MEGF10: variants seen among roughly 807,000 people sequenced by gnomAD.
MEGF10 encodes multiple epidermal growth factor-like domains protein 10.
A neutral mutation model predicts 147.5 loss-of-function variants in MEGF10; 86 were observed. The observed-to-expected ratio is 0.58, with a 90% confidence interval of 0.49 to 0.70. The LOEUF (loss-of-function observed/expected upper bound fraction) is 0.70, where lower values mean the gene tolerates loss of function less well. MEGF10 is among the 30% of genes least tolerant of loss of function. The pLI is 0.00. For synonymous variants in MEGF10, 478 were observed against 525.5 expected (o/e 0.91, Z 1.24); for missense variants, 1,329 against 1,487.3 (o/e 0.89, Z 1.75).
At position 127,391,102 on chromosome 5, in the gene MEGF10, G is replaced by GCACACACACA. The variant is rs70997334; in HGVS notation, c.413-5387_413-5378dup. Among the ~76,000 whole-genome samples the GCACACACACA allele has an allele frequency of 4.1e-3, 222 of 53,898 alleles. 1 individual carries two copies. The highest frequency in any genetic ancestry group is 0.015 in the Middle Eastern group (1 of 66). 35.4% of individuals were successfully genotyped at this position (53,898 alleles called of 152,430 possible). A position where few individuals can be genotyped will look rare whatever the true frequency, so the allele number is the denominator to read the frequency against. ...CATACACACATGCGCGCGCGCGCGCGCACACACACACACACACACACACAC... is the reference window on the plus strand; with the variant it reads ...CATACACACATGCGCGCGCGCGCGCGCACACACACACACACACACACACACACACACACAC... On this transcript the variant is annotated intron_variant, in intron 5 of 24. Coordinates refer to ENST00000503335, the MANE Select transcript of MEGF10 (RefSeq NM_001256545.2).
At chr5:127,288,408 G>A (rs927808375), upstream of MEGF10, among the ~76,000 whole-genome samples, 46 of 152,160 alleles carry the variant, frequency 3.0e-4, no homozygotes, top group Admixed American at 2.7e-3. Flanking sequence ...CCAAAGACTT[G>A]ATTAAAAATT....
In MEGF10 at chr5:127,435,246, A is replaced by G. The variant is rs896087752; in HGVS notation, c.1976-115A>G. 1.8e-5 allele frequency: 22 copies of G among 1,235,886 alleles called. No homozygotes were observed. In the African/African-American group the frequency reaches 2.4e-4, roughly 14 times the overall value. The allele number at this position is 1,235,886 out of a possible 1,614,324, so 76.6% of individuals were successfully genotyped here. A position where few individuals can be genotyped will look rare whatever the true frequency, so the allele number is the denominator to read the frequency against. ...ATGAAGGATGCTGTTGAGCAGAGAT[A>G]GCTACCAATGAGCAGCTGGGCCTGT... is the stretch of plus-strand genomic sequence containing the variant. On this transcript the variant is annotated intron_variant, in intron 15 of 24. Transcript: ENST00000503335.
rs1039455393 is a variant in MEGF10, at chr5:127,459,132, T to A, written c.*1814T>A. ...CAGTGAGTCAGTTAACAAATACGTA[T>A]GTGCAACCCTTCTGCTAGTAGTGCA... On this transcript the variant is annotated 3_prime_UTR_variant, in exon 25 of 25. Coordinates refer to ENST00000503335, the MANE Select transcript of MEGF10 (RefSeq NM_001256545.2). 1.3e-5 allele frequency: 2 copies of A among 152,236 alleles called. No homozygotes were observed. The highest frequency in any genetic ancestry group is 4.8e-5 in the African/African-American group (2 of 41,464). 9.4% of individuals were successfully genotyped at this position (152,236 alleles called of 1,614,324 possible).
rs1419205345 is a variant in MEGF10, at chr5:127,326,671, A to C, written c.-18-4620A>C. On this transcript the variant is annotated intron_variant, in intron 1 of 24. Transcript: ENST00000503335. ...GAGTAGTTTGAGGAACAGTGAGTAC[A>C]TCCTTTATAGATAACACGATGGAGT... 2.6e-5 allele frequency among the ~76,000 whole-genome samples: 4 copies of C among 152,192 alleles called. 1 individual carries two copies. Among genetic ancestry groups the C allele is most frequent in the Admixed American group, 2.6e-4 (4 of 15,266 alleles).
At chr5:127,247,312 A>G in the MEGF10 span, among the ~76,000 whole-genome samples, 2 of 70,436 alleles carry the variant, frequency 2.8e-5, no homozygotes, top group African/African-American at 5.1e-5. Flanking sequence ...GAGCGAGAGA[A>G]AGAGAGAGAA....
chr5:127,429,070 A>G (rs1765307259), intron 13 of MEGF10, among the ~76,000 whole-genome samples: 1 of 152,194 alleles, frequency 6.6e-6, no homozygotes, highest in South Asian at 2.1e-4. Flanking sequence ...TTTATCAGAA[A>G]AGAAATGCTC....
chr5:127,378,435 C>G (rs1001226801), intron 5 of MEGF10, among the ~76,000 whole-genome samples: 1 of 152,122 alleles, frequency 6.6e-6, no homozygotes, highest in Non-Finnish European at 1.5e-5. Flanking sequence ...TCCTGTCTCA[C>G]AGGCCACACC....
chr5:127,449,606 A>T (rs1195154721), intron 22 of MEGF10, among the ~76,000 whole-genome samples: 1 of 152,134 alleles, frequency 6.6e-6, no homozygotes, highest in Admixed American at 6.5e-5. Context: ...CTTGCACAGG[A>T]CCTCATCGCC....
At position 127,339,165 on chromosome 5, in the gene MEGF10, A is replaced by G. The variant is rs771758107; in HGVS notation, c.162A>G (p.Gln54=). Reference sequence around the variant, plus strand: ...AGTCATACCCACATCCCTTTGATCAAATTTACTACACGAGCTGCACTGACA... The same window carrying G: ...AGTCATACCCACATCCCTTTGATCAGATTTACTACACGAGCTGCACTGACA... The part of the protein sequence containing the change: ...VQESYPHPFD[Q]IYYTSCTDIL... Residue 54 remains glutamine (Q), a synonymous_variant, in exon 3 of 25, where the codon CAA becomes CAG. Transcript: ENST00000503335. 1 of 1,612,632 alleles carries G rather than the reference A, an allele frequency of 6.2e-7. No homozygotes were observed. The highest frequency in any genetic ancestry group is 8.5e-7 in the Non-Finnish European group (1 of 1,178,930).
chr5:127,286,948 C>A (rs1759047926), upstream of MEGF10, among the ~76,000 whole-genome samples: 1 of 151,818 alleles, frequency 6.6e-6, no homozygotes, highest in Non-Finnish European at 1.5e-5. Flanking sequence ...ATATATAATA[C>A]ATTACATGGA....
chr5:127,443,150 T>C, intron 19 of MEGF10, 24 bp downstream of exon 19: 1 of 1,606,238 alleles, frequency 6.2e-7, no homozygotes, highest in Non-Finnish European at 8.5e-7. Context: ...CTAATGTTTG[T>C]AGCACTGCAG....
intron 4 of MEGF10, among the ~76,000 whole-genome samples, chr5:127,342,957 T>C (rs1387669665): frequency 6.6e-6 from 1 of 152,080 alleles, no homozygotes; most frequent in African/African-American, 2.4e-5. Context: ...ATGTCTTGAT[T>C]TCATTGCTTC....
chr5:127,337,217 TTTGA>T (rs770013449), intron 2 of MEGF10, among the ~76,000 whole-genome samples: 4 of 152,086 alleles, frequency 2.6e-5, no homozygotes, highest in Non-Finnish European at 4.4e-5. Context: ...GTTACAGTGA[TTTGA>T]TTGATTACAG....
At chr5:127,410,260 A>G in intron 8 of MEGF10, 129 bp from the exon 9 acceptor site, 2 of 778,202 alleles carry the variant, frequency 2.6e-6, no homozygotes, top group Non-Finnish European at 4.3e-6. Context: ...GTAATGGGAC[A>G]ATCACTAAAT....
intron 5 of MEGF10, among the ~76,000 whole-genome samples, chr5:127,373,768 A>G (rs1210334336): frequency 6.6e-6 from 1 of 152,152 alleles, no homozygotes; most frequent in African/African-American, 2.4e-5. Context: ...ATCTCTAGAG[A>G]ATATAGGAAT....
At chr5:127,379,112 A>G (rs1763154060) in intron 5 of MEGF10, among the ~76,000 whole-genome samples, 1 of 149,030 alleles carries the variant, frequency 6.7e-6, no homozygotes, top group African/African-American at 2.5e-5. Flanking sequence ...ATTTTTCAGC[A>G]AATCTTGTTG....
intron 5 of MEGF10, among the ~76,000 whole-genome samples, chr5:127,379,616 T>C (rs1475083657): frequency 6.7e-6 from 1 of 148,942 alleles, no homozygotes; most frequent in Non-Finnish European, 1.5e-5. Context: ...TTTTTTTTTT[T>C]TGAGACGGAG....
rs1442793508 is a variant in MEGF10 at position 127,420,069 on chromosome 5, C to G, written c.1452C>G (p.Ile484Met). Reference sequence around the variant, plus strand: ...GCTGGCACGGGGTGGACTGCTCCATCAGATGTCCCAGTGGCACATGGGGCT... The same window carrying G: ...GCTGGCACGGGGTGGACTGCTCCATGAGATGTCCCAGTGGCACATGGGGCT... The part of the protein sequence containing the change: ...KAGWHGVDCS[I>M]RCPSGTWGFG... Residue 484 changes from isoleucine to methionine, a missense_variant, in exon 12 of 25, where the codon ATC (isoleucine) becomes ATG (methionine). By Grantham distance (10) the Ile-to-Met change is conservative. This residue lies in a region of MEGF10 where 980 missense variants were observed against 1,085.9 expected (regional missense o/e 0.90). Coordinates refer to ENST00000503335, the MANE Select transcript of MEGF10 (RefSeq NM_001256545.2). 1 of 1,614,180 alleles carries G rather than the reference C, an allele frequency of 6.2e-7. No individual in the cohort carries two copies. Among genetic ancestry groups the G allele is most frequent in the South Asian group, 1.1e-5 (1 of 91,080 alleles).
intron 6 of MEGF10, among the ~76,000 whole-genome samples, chr5:127,397,597 C>T (rs1763965785): frequency 6.6e-6 from 1 of 152,222 alleles, no homozygotes; most frequent in Admixed American, 6.5e-5. Context: ...TAGGTAAACA[C>T]TTCCTGCCAA....
Sources: gnomAD v4.1 joint callset for allele counts (sites outside exome capture counted in the v4.1 genomes callset) on GRCh38, gnomAD v4.1.1 for gene constraint, gnomAD v4.1.1 regional missense constraint, MANE v1.5 for transcripts, NCBI Gene and HGNC (gene_info 2026-07-23, HGNC 2026-07-21) for gene names.